RSBN1L: variants seen among roughly 807,000 people sequenced by gnomAD.
RSBN1L encodes the protein round spermatid basic protein 1 like, also known as lysine-specific demethylase RSBN1L.
In RSBN1L, 30 loss-of-function variants were observed where a neutral mutation model predicts 67.7. The ratio of observed to expected loss-of-function variants is 0.44; its 90% CI spans 0.33 to 0.60. The LOEUF (loss-of-function observed/expected upper bound fraction) is 0.60. Among genes scored for constraint, RSBN1L ranks in the 20% least tolerant of loss-of-function variants. The pLI, the probability that RSBN1L is intolerant of heterozygous loss-of-function variation, is 0.02. For synonymous variants in RSBN1L, 433 were observed against 387.0 expected, an observed-to-expected ratio of 1.12 and a Z score of -1.39; for missense variants, 992 against 1,031.7, an observed-to-expected ratio of 0.96 and a Z score of 0.53.
At chr7:77,735,209 A>G (rs758744202) in intron 1 of RSBN1L, among the ~76,000 whole-genome samples, 1 of 152,202 alleles carries the variant, frequency 6.6e-6, no homozygotes, top group Non-Finnish European at 1.5e-5. Context: ...TGTGCTATTC[A>G]GTATGGTAGA....
chr7:77,776,034 C>T (rs922035376), intron 6 of RSBN1L, among the ~76,000 whole-genome samples: 20 of 149,610 alleles, frequency 1.3e-4, no homozygotes, highest in Non-Finnish European at 2.4e-4. Flanking sequence ...CCAGCCTGGG[C>T]GATTGACGTG....
At chr7:77,768,037 C>T (rs941847460) in intron 4 of RSBN1L, among the ~76,000 whole-genome samples, 4 of 150,502 alleles carry the variant, frequency 2.7e-5, no homozygotes, top group Non-Finnish European at 5.9e-5. Context: ...TTTGTAGAGA[C>T]GGGGTTTCAC....
chr7:77,699,225 CTGAT>C (rs1790781233), intron 1 of RSBN1L, among the ~76,000 whole-genome samples: 1 of 152,074 alleles, frequency 6.6e-6, no homozygotes, highest in African/African-American at 2.4e-5. Context: ...CCACAGCTGG[CTGAT>C]TGAACAGTCT....
At chr7:77,761,460 CAT>C (rs1213307900) in intron 3 of RSBN1L, among the ~76,000 whole-genome samples, 3 of 152,134 alleles carry the variant, frequency 2.0e-5, no homozygotes, top group African/African-American at 4.8e-5. Flanking sequence ...CGCAGTCTGG[CAT>C]AGTCTGGATA....
At chr7:77,717,955 G>T (rs927367123) in intron 1 of RSBN1L, among the ~76,000 whole-genome samples, 2 of 152,196 alleles carry the variant, frequency 1.3e-5, no homozygotes, top group Admixed American at 1.3e-4. Context: ...GCAGGCGGAG[G>T]CTGCAGTGAG....
chr7:77,734,764 T>C (rs765479508), intron 1 of RSBN1L, among the ~76,000 whole-genome samples: 49 of 152,054 alleles, frequency 3.2e-4, no homozygotes, highest in Admixed American at 5.2e-4. Context: ...GCTGGGATTA[T>C]AGACGTGAGC....
intron 1 of RSBN1L, among the ~76,000 whole-genome samples, chr7:77,713,176 G>A (rs1790997938): frequency 6.6e-6 from 1 of 151,836 alleles, no homozygotes; most frequent in South Asian, 2.1e-4. Flanking sequence ...AAATTGATTT[G>A]TGAAACTTTG....
intron 3 of RSBN1L, among the ~76,000 whole-genome samples, chr7:77,754,389 A>G (rs1584296993): frequency 6.6e-6 from 1 of 152,074 alleles, no homozygotes; most frequent in Non-Finnish European, 1.5e-5. Flanking sequence ...TGCCTTTACA[A>G]CATTGAGTCT....
At chr7:77,722,107 G>A (rs1791127857) in intron 1 of RSBN1L, among the ~76,000 whole-genome samples, 1 of 152,186 alleles carries the variant, frequency 6.6e-6, no homozygotes, top group Admixed American at 6.5e-5. Context: ...TTGGATGTTG[G>A]ATGAGGATGT....
intron 5 of RSBN1L, 130 bp downstream of exon 5, chr7:77,768,933 C>T (rs562187406): frequency 2.0e-5 from 14 of 708,856 alleles, no homozygotes; most frequent in Middle Eastern, 3.4e-4. Flanking sequence ...TTAAAAATAG[C>T]GATACATGCT....
At position 77,749,895 on chromosome 7, in the gene RSBN1L, A is replaced by G. The variant is rs769011104; in HGVS notation, c.1175A>G (p.Asn392Ser). 3.1e-6 allele frequency: 5 copies of G among 1,614,174 alleles called. No individual in the cohort carries two copies. In the East Asian group the frequency reaches 6.7e-5, roughly 22 times the overall value. Residue 392 changes from asparagine (N) to serine (S), a missense_variant, in exon 3 of 8, where the codon AAT (asparagine) becomes AGT (serine). This residue lies in a region of RSBN1L where 63 missense variants were observed against 84.8 expected (regional missense o/e 0.74). Coordinates refer to ENST00000334955, the MANE Select transcript of RSBN1L (RefSeq NM_198467.3). Reference protein sequence around the residue: ...EEFVGLVFSENENSAAFYVMG... With the variant: ...EEFVGLVFSESENSAAFYVMG... ...TTTGTGGGTCTAGTGTTCAGTGAAA[A>G]TGAAAACTCTGCAGCTTTCTACGTG... is the stretch of plus-strand genomic sequence containing the variant.
intron 2 of RSBN1L, among the ~76,000 whole-genome samples, chr7:77,746,332 C>G (rs1331586614): frequency 2.0e-5 from 3 of 152,078 alleles, no homozygotes; most frequent in Non-Finnish European, 2.9e-5. Context: ...CCGTACATGG[C>G]CAGAGCAGGA....
chr7:77,768,500 A>T, intron 4 of RSBN1L, 161 bp from the exon 5 acceptor site: 1 of 635,684 alleles, frequency 1.6e-6, no homozygotes, highest in South Asian at 2.2e-5. Context: ...GAAGCAAAGT[A>T]TATCAATATA....
intron 1 of RSBN1L, among the ~76,000 whole-genome samples, chr7:77,716,323 T>C (rs1168367569): frequency 6.6e-6 from 1 of 152,016 alleles, no homozygotes; most frequent in Non-Finnish European, 1.5e-5. Context: ...TTTTGTTTTG[T>C]TTTTGTTTTT....
chr7:77,725,243 A>AATTTTTTTTTTT (rs1554338354), intron 1 of RSBN1L, among the ~76,000 whole-genome samples: 4 of 57,888 alleles, frequency 6.9e-5, no homozygotes, highest in African/African-American at 3.5e-4. Context: ...TAAGCCCCCC[A>AATTTTTTTTTTT]CTTTTTTTTT....
intron 1 of RSBN1L, among the ~76,000 whole-genome samples, chr7:77,711,346 C>T (rs112741534): frequency 0.023 from 2,746 of 117,634 alleles, 90 homozygotes; most frequent in African/African-American, 0.086. Context: ...TTTTTTTTAC[C>T]ATTTTTATTC....
intron 1 of RSBN1L, among the ~76,000 whole-genome samples, chr7:77,735,185 A>G (rs1207354702): frequency 6.6e-6 from 1 of 152,204 alleles, no homozygotes; most frequent in Non-Finnish European, 1.5e-5. Context: ...AAATTTATTT[A>G]AGTAGTCTAG....
chr7:77,750,296 G>GTTTTTTTTTT lies in RSBN1L; in HGVS notation c.1344+248_1344+257dup, dbSNP rs36054297. ...ATTAATGAAATAATTAAGATTCTGT[G>GTTTTTTTTTT]TTTTTTTTTTTTTTTTTTTTTTTTT... On this transcript the variant is annotated intron_variant, in intron 3 of 7. Coordinates refer to ENST00000334955, the MANE Select transcript of RSBN1L (RefSeq NM_198467.3). 1.4e-4 allele frequency among the ~76,000 whole-genome samples: 8 copies of GTTTTTTTTTT among 57,458 alleles called. 1 individual carries two copies. Among genetic ancestry groups the GTTTTTTTTTT allele is most frequent in the African/African-American group, 2.1e-4 (3 of 14,480 alleles). The allele number at this position is 57,458 out of a possible 152,430, so 37.7% of individuals were successfully genotyped here.
chr7:77,706,233 C>T (rs1350453195), intron 1 of RSBN1L, among the ~76,000 whole-genome samples: 2 of 152,008 alleles, frequency 1.3e-5, no homozygotes, highest in East Asian at 1.9e-4. Context: ...CCTGCCACTA[C>T]GTTGGGCTAA....
Sources: allele counts gnomAD v4.1 joint callset (sites outside exome capture counted in the v4.1 genomes callset), GRCh38; gene constraint gnomAD v4.1.1; regional missense constraint gnomAD v4.1.1; transcripts MANE v1.5; gene names NCBI Gene and HGNC (gene_info 2026-07-23, HGNC 2026-07-21).